CNTNAP3: variants seen among roughly 807,000 people sequenced by gnomAD.
CNTNAP3 encodes contactin associated protein family member 3, also known as contactin-associated protein-like 3.
A neutral mutation model predicts 92.1 loss-of-function variants in CNTNAP3; 36 were observed. That is an observed-to-expected ratio of 0.39 (90% CI 0.30 to 0.52). CNTNAP3 has a LOEUF of 0.52. Ranked by LOEUF, CNTNAP3 falls within the 20% of genes least tolerant of loss-of-function variation. The pLI is 0.76. For missense variants in CNTNAP3, 534 were observed against 1,069.6 expected, an observed-to-expected ratio of 0.50 and a Z score of 6.98; for synonymous variants, 232 against 422.3, an observed-to-expected ratio of 0.55 and a Z score of 5.53.
chr9:39,075,989 T>C (rs1206964166), intron 23 of CNTNAP3, among the ~76,000 whole-genome samples: 6 of 152,388 alleles, frequency 3.9e-5, no homozygotes, highest in African/African-American at 1.4e-4. Context: ...TTAATTTATA[T>C]CTTCAGCCAG....
At chr9:39,081,078 C>T (rs868643835) in intron 21 of CNTNAP3, among the ~76,000 whole-genome samples, 1 of 151,210 alleles carries the variant, frequency 6.6e-6, no homozygotes, top group African/African-American at 2.5e-5. Flanking sequence ...AAAATGATCA[C>T]CATATATACT....
chr9:39,129,794 A>G (rs925451934), intron 13 of CNTNAP3, among the ~76,000 whole-genome samples: 1 of 152,132 alleles, frequency 6.6e-6, no homozygotes, highest in Non-Finnish European at 1.5e-5. Flanking sequence ...TAACAAAACA[A>G]ATCCAAACAA....
intron 21 of CNTNAP3, among the ~76,000 whole-genome samples, chr9:39,083,415 C>G (rs912418238): frequency 8.5e-5 from 13 of 152,082 alleles, no homozygotes; most frequent in Non-Finnish European, 1.9e-4. Context: ...AATCCCAGCA[C>G]TTTGGGAGAC....
intron 14 of CNTNAP3, among the ~76,000 whole-genome samples, chr9:39,112,397 C>G (rs569410292): frequency 6.6e-6 from 1 of 152,072 alleles, no homozygotes; most frequent in Non-Finnish European, 1.5e-5. Context: ...CAGAGTCTCA[C>G]TCTTGTCGCC....
At chr9:39,123,133 C>T (rs1255164760) in intron 13 of CNTNAP3, among the ~76,000 whole-genome samples, 3 of 138,366 alleles carry the variant, frequency 2.2e-5, no homozygotes, top group Admixed American at 7.8e-5. Context: ...CTCTCTCTGT[C>T]GCCCAGGCTG....
At chr9:39,105,254 C>G (rs775725827) in intron 15 of CNTNAP3, among the ~76,000 whole-genome samples, 1 of 152,148 alleles carries the variant, frequency 6.6e-6, no homozygotes, top group African/African-American at 2.4e-5. Context: ...GGTGAAACCC[C>G]GTCTCTACTA....
chr9:39,115,207 A>G (rs1820827171), intron 14 of CNTNAP3, among the ~76,000 whole-genome samples: 1 of 150,990 alleles, frequency 6.6e-6, no homozygotes, highest in Non-Finnish European at 1.5e-5. Flanking sequence ...ATTAACGGAC[A>G]TATGCCTGAA....
intron 13 of CNTNAP3, among the ~76,000 whole-genome samples, chr9:39,127,538 C>G (rs1262216011): frequency 6.6e-6 from 1 of 151,974 alleles, no homozygotes; most frequent in East Asian, 1.9e-4. Context: ...CTGACAGAGA[C>G]AAAAACAGAT....
intron 23 of CNTNAP3, among the ~76,000 whole-genome samples, chr9:39,075,237 C>G (rs1304375107): frequency 6.6e-6 from 1 of 150,862 alleles, no homozygotes; most frequent in Non-Finnish European, 1.5e-5. Flanking sequence ...GTCCATGATT[C>G]TCGACTCTAG....
At chr9:39,102,279 GAAAACA>G (rs1201969257) in intron 17 of CNTNAP3, among the ~76,000 whole-genome samples, 1 of 152,332 alleles carries the variant, frequency 6.6e-6, no homozygotes, top group Non-Finnish European at 1.5e-5. Flanking sequence ...GACTCTGTCT[GAAAACA>G]AAAACAAAAA....
chr9:39,146,621 G>A (rs1378476391), intron 10 of CNTNAP3, among the ~76,000 whole-genome samples: 2 of 152,252 alleles, frequency 1.3e-5, no homozygotes, highest in Non-Finnish European at 2.9e-5. Flanking sequence ...CCCAGGAGGC[G>A]GAGCTTGCAG....
intron 23 of CNTNAP3, among the ~76,000 whole-genome samples, chr9:39,075,662 C>T (rs886496026): frequency 2.5e-5 from 1 of 39,908 alleles, no homozygotes; most frequent in Non-Finnish European, 6.9e-5. Flanking sequence ...ACACGTATTC[C>T]ACTAGTTTCT....
Position 39,109,268 on chromosome 9 carries a change from G to A in CNTNAP3, c.2257C>T (p.Leu753Phe). The A allele has an allele frequency of 1.2e-6, 2 of 1,611,902 alleles. No homozygotes were observed. The highest frequency in any genetic ancestry group is 1.7e-6 in the Non-Finnish European group (2 of 1,179,744). Reference sequence around the variant, plus strand: ...ACTGGCAGGTGCTCCTTTTGGGAAAGGACTATTGTGTCACTAGTCCTAAAG... The same window carrying A: ...ACTGGCAGGTGCTCCTTTTGGGAAAAGACTATTGTGTCACTAGTCCTAAAG... ...RNEWTSDTIV[L>F]SQKEHLPVTQ... is the part of the protein sequence containing the mutation. Residue 753 changes from leucine to phenylalanine, a missense_variant, in exon 15 of 24, where the codon CTT (leucine) becomes TTT (phenylalanine). Coordinates refer to ENST00000297668, the MANE Select transcript of CNTNAP3 (RefSeq NM_033655.5).
intron 12 of CNTNAP3, among the ~76,000 whole-genome samples, chr9:39,135,696 C>G (rs1027469903): frequency 3.3e-5 from 5 of 152,140 alleles, no homozygotes; most frequent in Admixed American, 2.6e-4. Context: ...TCAACCCAGC[C>G]TAACTTAAAT....
chr9:39,129,552 G>C (rs933112673), intron 13 of CNTNAP3, among the ~76,000 whole-genome samples: 6 of 152,120 alleles, frequency 3.9e-5, no homozygotes, highest in African/African-American at 1.2e-4. Context: ...AAAATCTTTG[G>C]AATTGGAATT....
chr9:39,137,952 C>T (rs1821482566), intron 12 of CNTNAP3, among the ~76,000 whole-genome samples: 2 of 151,830 alleles, frequency 1.3e-5, no homozygotes, highest in Admixed American at 6.6e-5. Context: ...CTCCAACTCC[C>T]AGGCTCAAGC....
chr9:39,091,099 T>A (rs1176413899), intron 18 of CNTNAP3, among the ~76,000 whole-genome samples: 3 of 152,184 alleles, frequency 2.0e-5, no homozygotes, highest in African/African-American at 2.4e-5. Context: ...GGGATTTTTT[T>A]ATATAAAAAA....
chr9:39,108,808 A>C (rs1318548026), intron 15 of CNTNAP3, among the ~76,000 whole-genome samples: 2 of 152,204 alleles, frequency 1.3e-5, no homozygotes. Flanking sequence ...ATTTCCTACC[A>C]CTATAGTTGT....
At chr9:39,123,794 T>A (rs1037873365) in intron 13 of CNTNAP3, among the ~76,000 whole-genome samples, 2 of 151,982 alleles carry the variant, frequency 1.3e-5, no homozygotes, top group African/African-American at 4.8e-5. Context: ...TTTAAACTGT[T>A]GAGAGAAAAC....
Sources: allele counts gnomAD v4.1 joint callset (sites outside exome capture counted in the v4.1 genomes callset), GRCh38; gene constraint gnomAD v4.1.1; transcripts MANE v1.5; gene names NCBI Gene and HGNC (gene_info 2026-07-23, HGNC 2026-07-21).